RALA: variants seen among roughly 807,000 people sequenced by gnomAD.
RALA encodes RAS like proto-oncogene A.
In RALA, 5 loss-of-function variants were observed where a neutral mutation model predicts 24.0. That is an observed-to-expected ratio of 0.21 (90% confidence interval 0.11 to 0.44). The LOEUF (loss-of-function observed/expected upper bound fraction) is 0.44. Ranked by LOEUF, RALA falls within the 20% of genes least tolerant of loss-of-function variation. RALA has a pLI of 0.99. For synonymous variants in RALA, 77 were observed against 83.8 expected (o/e 0.92, Z 0.44); for missense variants, 95 against 241.2 (o/e 0.39, Z 4.01).
At chr7:39,683,456 T>A (rs541683731) in intron 1 of RALA, among the ~76,000 whole-genome samples, 1 of 152,316 alleles carries the variant, frequency 6.6e-6, no homozygotes, top group East Asian at 1.9e-4. Context: ...ATTGCTGTCT[T>A]ATTTTTTTTC....
rs552145750 is a variant in RALA at position 39,626,589 on chromosome 7, G to A, written c.-38+2764G>A. Among the ~76,000 whole-genome samples, 47 of 152,270 alleles carry A rather than the reference G, an allele frequency of 3.1e-4. 3 individuals carry two copies. The South Asian group carries it at 6.2e-3, about 20-fold the overall frequency. ...GCCATTCTTCTCTTTTATCTTCAGC[G>A]TGCCTACAAATACAGTGTTATCACC... is the stretch of plus-strand genomic sequence containing the variant. On this transcript the variant is annotated intron_variant, in intron 1 of 4. Coordinates refer to ENST00000005257, the MANE Select transcript of RALA (RefSeq NM_005402.4).
At chr7:39,680,376 CA>C (rs768676729) in intron 1 of RALA, among the ~76,000 whole-genome samples, 3 of 50,664 alleles carry the variant, frequency 5.9e-5, no homozygotes, top group Non-Finnish European at 6.8e-5. Flanking sequence ...GACTCTGTCT[CA>C]AAAAAAAACA....
chr7:39,686,793 T>C lies in RALA; in HGVS notation c.114+12T>C. ...TCATGTACGATGAGGTAAGTGCTAA[T>C]TTTATAATGGATCAAAGTTTAGGCT... On this transcript the variant is annotated intron_variant, in intron 2 of 4. Coordinates refer to ENST00000005257, the MANE Select transcript of RALA (RefSeq NM_005402.4). 13 of 1,583,270 alleles carry C rather than the reference T, an allele frequency of 8.2e-6. No individual in the cohort carries two copies. The highest frequency in any genetic ancestry group is 1.1e-5 in the Non-Finnish European group (13 of 1,152,040).
At position 39,635,606 on chromosome 7, in the gene RALA, G is replaced by A. The variant is rs1397391809; in HGVS notation, c.-38+11781G>A. ...CCAGGGACTGGTTTTGTGGAAGACA[G>A]TTTTTCCACGGACCAGGGGAAATGG... On this transcript the variant is annotated intron_variant, in intron 1 of 4. Transcript: ENST00000005257. 3.3e-5 allele frequency among the ~76,000 whole-genome samples: 5 copies of A among 152,190 alleles called. No homozygotes were observed. In the East Asian group the frequency reaches 9.6e-4, roughly 29 times the overall value.
chr7:39,632,148 A>G (rs1791607595), intron 1 of RALA, among the ~76,000 whole-genome samples: 1 of 152,242 alleles, frequency 6.6e-6, no homozygotes, highest in African/African-American at 2.4e-5. Flanking sequence ...TCCCCCGACT[A>G]GGCCCGCCTC....
chr7:39,707,649 A>C lies in RALA; in HGVS notation c.*1404A>C, dbSNP rs1179183991. The C allele has an allele frequency of 6.6e-6, 1 of 152,512 alleles. No individual in the cohort carries two copies. Among genetic ancestry groups the C allele is most frequent in the Non-Finnish European group, 1.5e-5 (1 of 68,018 alleles). 9.4% of individuals were successfully genotyped at this position (152,512 alleles called of 1,614,324 possible). On this transcript the variant is annotated 3_prime_UTR_variant, in exon 5 of 5. Coordinates refer to ENST00000005257, the MANE Select transcript of RALA (RefSeq NM_005402.4). Reference sequence around the variant, plus strand: ...GTGGGGCTAGGACAGTTGATTCAACAAAGTATTTTTTTCTTTTTTCTCAGT... The same window carrying C: ...GTGGGGCTAGGACAGTTGATTCAACCAAGTATTTTTTTCTTTTTTCTCAGT...
chr7:39,664,806 C>CAA (rs560836047), intron 1 of RALA, among the ~76,000 whole-genome samples: 360 of 141,750 alleles, frequency 2.5e-3, no homozygotes, highest in Non-Finnish European at 4.2e-3. Context: ...GTGGACGTGC[C>CAA]AAAAAAAAAA....
chr7:39,681,211 T>C (rs975355882), intron 1 of RALA, among the ~76,000 whole-genome samples: 1 of 150,638 alleles, frequency 6.6e-6, no homozygotes, highest in Admixed American at 6.6e-5. Flanking sequence ...AACAACACCT[T>C]CCCATTATGA....
intron 1 of RALA, among the ~76,000 whole-genome samples, chr7:39,637,701 G>A (rs969132858): frequency 1.3e-5 from 2 of 152,184 alleles, no homozygotes; most frequent in Non-Finnish European, 2.9e-5. Context: ...GGTTTCAAAT[G>A]AGAGTGCTAT....
chr7:39,695,259 G>A (rs974669724), intron 3 of RALA, among the ~76,000 whole-genome samples: 4 of 152,064 alleles, frequency 2.6e-5, no homozygotes, highest in Admixed American at 2.0e-4. Context: ...ATAAAATGGT[G>A]TGGTATTTGC....
chr7:39,680,447 A>G (rs1026046747), intron 1 of RALA, among the ~76,000 whole-genome samples: 1 of 151,576 alleles, frequency 6.6e-6, no homozygotes, highest in African/African-American at 2.4e-5. Context: ...ATGGTGGTTC[A>G]TGCCTGTAAT....
At chr7:39,680,698 T>C (rs943966502) in intron 1 of RALA, among the ~76,000 whole-genome samples, 34 of 152,208 alleles carry the variant, frequency 2.2e-4, no homozygotes, top group Admixed American at 2.0e-4. Context: ...ATGAGGAGAA[T>C]AGATCCAACT....
intron 1 of RALA, among the ~76,000 whole-genome samples, chr7:39,629,571 C>T (rs1453379426): frequency 7.9e-5 from 12 of 151,538 alleles, no homozygotes; most frequent in South Asian, 2.1e-4. Context: ...CACGCCACCA[C>T]GCCTAGCACG....
At chr7:39,625,857 G>T (rs1168124368) in intron 1 of RALA, among the ~76,000 whole-genome samples, 1 of 152,224 alleles carries the variant, frequency 6.6e-6, no homozygotes, top group East Asian at 1.9e-4. Context: ...AGTATGTGGT[G>T]GTGGTCCTGC....
intron 1 of RALA, among the ~76,000 whole-genome samples, chr7:39,661,632 A>G (rs1439581033): frequency 6.6e-6 from 1 of 152,188 alleles, no homozygotes; most frequent in Non-Finnish European, 1.5e-5. Context: ...GTGGGTTCCC[A>G]TGGTCTTGGG....
At chr7:39,639,365 A>C (rs764844908) in intron 1 of RALA, among the ~76,000 whole-genome samples, 15 of 152,204 alleles carry the variant, frequency 9.9e-5, no homozygotes, top group Non-Finnish European at 1.5e-4. Flanking sequence ...AATCTTTACA[A>C]AGTGAAAATT....
chr7:39,658,873 G>A (rs891784454), intron 1 of RALA, among the ~76,000 whole-genome samples: 2 of 151,674 alleles, frequency 1.3e-5, no homozygotes, highest in Non-Finnish European at 2.9e-5. Flanking sequence ...GTGCGCCACC[G>A]AGCCTGCCTC....
At chr7:39,628,878 G>A (rs923892804) in intron 1 of RALA, among the ~76,000 whole-genome samples, 2 of 152,250 alleles carry the variant, frequency 1.3e-5, no homozygotes, top group Admixed American at 1.3e-4. Flanking sequence ...AAGTAATTAG[G>A]TCTGAACAAC....
intron 1 of RALA, among the ~76,000 whole-genome samples, chr7:39,643,975 A>G (rs1791883493): frequency 6.6e-6 from 1 of 152,244 alleles, no homozygotes. Context: ...TGAATTCATA[A>G]TAGCCTCTGA....
Sources: gnomAD v4.1 joint callset for allele counts (sites outside exome capture counted in the v4.1 genomes callset) on GRCh38, gnomAD v4.1.1 for gene constraint, MANE v1.5 for transcripts, NCBI Gene and HGNC (gene_info 2026-07-23, HGNC 2026-07-21) for gene names.